PIK3CA: variants seen among roughly 807,000 people sequenced by gnomAD.
PIK3CA encodes phosphatidylinositol 4,5-bisphosphate 3-kinase catalytic subunit alpha isoform.
A neutral mutation model predicts 138.2 loss-of-function variants in PIK3CA; 27 were observed. The ratio of observed to expected loss-of-function variants is 0.20; its 90% CI spans 0.14 to 0.27. PIK3CA has a LOEUF of 0.27. PIK3CA is among the 10% of genes least tolerant of loss of function. The probability of loss-of-function intolerance (pLI) is 1.00; values close to 1 mark genes in which losing one functional copy is unlikely to be tolerated. For missense variants in PIK3CA, 544 were observed against 1,277.4 expected (o/e 0.43, Z 8.75); for synonymous variants, 358 against 413.2 (o/e 0.87, Z 1.62).
chr3:179,221,739 G>T (rs1468184902), intron 14 of PIK3CA, among the ~76,000 whole-genome samples: 19 of 124,184 alleles, frequency 1.5e-4, no homozygotes, highest in Admixed American at 2.8e-4. Flanking sequence ...ACAGGGTCTG[G>T]CTCTTTTGCC....
intron 10 of PIK3CA, 83 bp downstream of exon 10, chr3:179,218,417 T>C: frequency 9.2e-7 from 1 of 1,081,538 alleles, no homozygotes; most frequent in Non-Finnish European, 1.3e-6. Context: ...CAGCATGTTT[T>C]TACCATACCT....
chr3:179,155,666 C>T (rs1215244471), intron 1 of PIK3CA, among the ~76,000 whole-genome samples: 1 of 152,110 alleles, frequency 6.6e-6, no homozygotes, highest in Non-Finnish European at 1.5e-5. Flanking sequence ...TCTGCTACCC[C>T]ATTTTATATA....
intron 1 of PIK3CA, among the ~76,000 whole-genome samples, chr3:179,165,417 G>C (rs1723393882): frequency 6.6e-6 from 1 of 152,090 alleles, no homozygotes; most frequent in Non-Finnish European, 1.5e-5. Context: ...TTTGAAACAA[G>C]AGTCTCACTG....
At chr3:179,155,619 G>T (rs1723115847) in intron 1 of PIK3CA, among the ~76,000 whole-genome samples, 1 of 152,120 alleles carries the variant, frequency 6.6e-6, no homozygotes, top group South Asian at 2.1e-4. Context: ...AAGTAATCTA[G>T]AGATGATTTA....
At chr3:179,200,938 A>T (rs1000395367) in intron 3 of PIK3CA, among the ~76,000 whole-genome samples, 1 of 151,990 alleles carries the variant, frequency 6.6e-6, no homozygotes, top group African/African-American at 2.4e-5. Flanking sequence ...AAAAACTTCC[A>T]CCTTAGGCAC....
At chr3:179,229,066 G>T (rs909116952) in intron 17 of PIK3CA, among the ~76,000 whole-genome samples, 1 of 151,932 alleles carries the variant, frequency 6.6e-6, no homozygotes, top group Admixed American at 6.6e-5. Context: ...TCAGTTGAAG[G>T]TTATAATAAA....
intron 1 of PIK3CA, among the ~76,000 whole-genome samples, chr3:179,171,114 T>TCTAAAAC (rs1481771887): frequency 5.3e-5 from 8 of 150,088 alleles, no homozygotes; most frequent in African/African-American, 2.0e-4. Context: ...TACAAAGGAA[T>TCTAAAAC]TAAAAATCAT....
chr3:179,195,823 A>G (rs762491923), intron 1 of PIK3CA, among the ~76,000 whole-genome samples: 4 of 152,142 alleles, frequency 2.6e-5, no homozygotes, highest in Non-Finnish European at 4.4e-5. Flanking sequence ...GGTACATACT[A>G]AAAAAGCAAA....
rs746214181 is a variant in PIK3CA at position 179,229,452 on chromosome 3, AT to A, written c.2666+12del. The A allele has an allele frequency of 6.2e-7, 1 of 1,600,764 alleles. No homozygotes were observed. The highest frequency in any genetic ancestry group is 8.5e-7 in the Non-Finnish European group (1 of 1,173,170). ...AGAACAAAGGAGAAATGTGAGTTGT[AT>A]TATTCTTTCTTCCTATGTTAATCTA... On this transcript the variant is annotated intron_variant, in intron 18 of 20. Transcript: ENST00000263967.
intron 2 of PIK3CA, among the ~76,000 whole-genome samples, chr3:179,199,397 G>A (rs1724350711): frequency 6.6e-6 from 1 of 151,972 alleles, no homozygotes; most frequent in African/African-American, 2.4e-5. Flanking sequence ...TCATTTGTGG[G>A]ATGACTTAGA....
chr3:179,213,393 T>C (rs755125565), intron 9 of PIK3CA, among the ~76,000 whole-genome samples: 31 of 152,368 alleles, frequency 2.0e-4, no homozygotes, highest in Middle Eastern at 6.8e-3. Flanking sequence ...GTACATACTT[T>C]AAAAATATTG....
chr3:179,170,759 T>C (rs1723540126), intron 1 of PIK3CA, among the ~76,000 whole-genome samples: 1 of 152,196 alleles, frequency 6.6e-6, no homozygotes, highest in African/African-American at 2.4e-5. Context: ...ATAAAAATTC[T>C]AAATGTATAT....
intron 9 of PIK3CA, among the ~76,000 whole-genome samples, chr3:179,211,807 C>T (rs779084716): frequency 2.6e-5 from 4 of 152,104 alleles, no homozygotes; most frequent in East Asian, 1.9e-4. Flanking sequence ...AGTGCAATAC[C>T]GTGAACCCTG....
chr3:179,177,862 G>T (rs950039669), intron 1 of PIK3CA, among the ~76,000 whole-genome samples: 4 of 151,748 alleles, frequency 2.6e-5, no homozygotes, highest in African/African-American at 9.7e-5. Context: ...TTAAGAAAAT[G>T]AATAGACAAG....
intron 4 of PIK3CA, among the ~76,000 whole-genome samples, chr3:179,201,949 T>G (rs536758614): frequency 1.8e-4 from 27 of 152,204 alleles, no homozygotes; most frequent in African/African-American, 6.5e-4. Flanking sequence ...GTAATATTAG[T>G]AAATAGCGTT....
intron 1 of PIK3CA, among the ~76,000 whole-genome samples, chr3:179,161,250 C>T (rs1279303277): frequency 6.6e-6 from 1 of 152,160 alleles, no homozygotes; most frequent in Non-Finnish European, 1.5e-5. Flanking sequence ...AGATTTGTCA[C>T]CTTATTTACA....
At chr3:179,215,319 A>G (rs1381137325) in intron 9 of PIK3CA, among the ~76,000 whole-genome samples, 1 of 152,202 alleles carries the variant, frequency 6.6e-6, no homozygotes, top group Non-Finnish European at 1.5e-5. Context: ...TCTTAAAAGA[A>G]ATTTTATTTC....
chr3:179,200,498 ACT>A (rs1230078662), intron 3 of PIK3CA, among the ~76,000 whole-genome samples: 10 of 152,194 alleles, frequency 6.6e-5, no homozygotes, highest in South Asian at 4.1e-4. Context: ...ATTTGAGTTA[ACT>A]CTCACACACT....
intron 1 of PIK3CA, among the ~76,000 whole-genome samples, chr3:179,183,390 T>TA (rs1225377134): frequency 2.0e-5 from 3 of 152,148 alleles, no homozygotes; most frequent in South Asian, 2.1e-4. Flanking sequence ...TGTATTCACT[T>TA]AAAAAAATAC....
Sources: allele counts gnomAD v4.1 joint callset (sites outside exome capture counted in the v4.1 genomes callset), GRCh38; gene constraint gnomAD v4.1.1; transcripts MANE v1.5; gene names NCBI Gene and HGNC (gene_info 2026-07-23, HGNC 2026-07-21).